The following SLTM variants were observed in gnomAD, a reference collection of about 807,000 sequenced individuals.
The protein encoded by SLTM is SAFB like transcription modulator.
In SLTM, 43 loss-of-function variants were observed where a neutral mutation model predicts 134.6. That is an observed-to-expected ratio of 0.32 (90% confidence interval 0.25 to 0.41). SLTM has a LOEUF of 0.41. SLTM is among the 10% of genes least tolerant of loss of function. The pLI, the probability that SLTM is intolerant of heterozygous loss-of-function variation, is 1.00. For synonymous variants in SLTM, 424 were observed against 432.3 expected (o/e 0.98, Z 0.24); for missense variants, 1,055 against 1,288.8 (o/e 0.82, Z 2.78).
At chr15:58,893,513 T>G in intron 12 of SLTM, 149 bp from the exon 13 acceptor site, 1 of 646,562 alleles carries the variant, frequency 1.5e-6, no homozygotes, top group South Asian at 2.2e-5. Flanking sequence ...TGCAAAGAGT[T>G]TTTTAAACAG....
intron 8 of SLTM, chr15:58,898,566 C>T (rs1490060802): frequency 1.2e-5 from 5 of 402,406 alleles, no homozygotes; most frequent in Non-Finnish European, 1.8e-5. Flanking sequence ...TAAGTGTTCC[C>T]TAGCTAATGG....
chr15:58,922,869 C>A (rs1209326511), intron 2 of SLTM, among the ~76,000 whole-genome samples: 1 of 151,718 alleles, frequency 6.6e-6, no homozygotes, highest in Non-Finnish European at 1.5e-5. Context: ...CGTGCTGCCA[C>A]CACATCCAGC....
rs1491391229 is a variant in SLTM, at chr15:58,886,214, GAA to G, written c.2835+759_2835+760del. ...CTACTTAAATGAAGCAGGAGAAAAAGAAGAGTGTGTGTGTGTGTGTGTGTGTG... is the reference window on the plus strand; with the variant it reads ...CTACTTAAATGAAGCAGGAGAAAAAGGAGTGTGTGTGTGTGTGTGTGTGTG... On this transcript the variant is annotated intron_variant, in intron 19 of 20. Coordinates refer to ENST00000380516, the MANE Select transcript of SLTM (RefSeq NM_024755.4). Among the ~76,000 whole-genome samples, 14 of 137,268 alleles carry G rather than the reference GAA, an allele frequency of 1.0e-4. No homozygotes were observed. In the East Asian group the frequency reaches 2.2e-3, roughly 22 times the overall value. 90.1% of individuals were successfully genotyped at this position (137,268 alleles called of 152,430 possible). A position where few individuals can be genotyped will look rare whatever the true frequency, so the allele number is the denominator to read the frequency against.
At chr15:58,907,845 C>A (rs1486460284) in intron 5 of SLTM, among the ~76,000 whole-genome samples, 1 of 151,938 alleles carries the variant, frequency 6.6e-6, no homozygotes, top group African/African-American at 2.4e-5. Context: ...AGAGAACCTG[C>A]CACAATCACA....
intron 16 of SLTM, chr15:58,888,810 C>T (rs2034429848): frequency 6.2e-6 from 2 of 320,494 alleles, no homozygotes; most frequent in Non-Finnish European, 5.7e-6. Context: ...ATGGAAAAGA[C>T]ATTTAGCATT....
intron 15 of SLTM, 51 bp downstream of exon 15, chr15:58,890,229 CA>C (rs2034549552): frequency 1.9e-6 from 3 of 1,595,236 alleles, no homozygotes; most frequent in Admixed American, 1.7e-5. Context: ...GCTAAAATCA[CA>C]GAGTCTGAAA....
rs1231962572 is a variant in SLTM at position 58,880,010 on chromosome 15, G to T, written c.3094C>A (p.Arg1032=). Residue 1032 remains arginine (R), a synonymous_variant, in exon 21 of 21, where the codon CGA becomes AGA. Coordinates refer to ENST00000380516, the MANE Select transcript of SLTM (RefSeq NM_024755.4). ...CAGAGAGCTCATTTTCAGAATCGTCGCGGAGGTCCACCCTTAAATGGCTTA... is the reference window on the plus strand; with the variant it reads ...CAGAGAGCTCATTTTCAGAATCGTCTCGGAGGTCCACCCTTAAATGGCTTA... The part of the protein sequence containing the change: ...GFKPFKGGPP[R]RF 6.2e-7 allele frequency: 1 copy of T among 1,613,588 alleles called. No individual in the cohort carries two copies. Among genetic ancestry groups the T allele is most frequent in the Non-Finnish European group, 8.5e-7 (1 of 1,179,750 alleles).
chr15:58,913,365 A>G (rs1595904689), intron 4 of SLTM, 134 bp downstream of exon 4: 1 of 652,884 alleles, frequency 1.5e-6, no homozygotes, highest in Non-Finnish European at 2.4e-6. Flanking sequence ...AGGATTTTAG[A>G]TGACTTATAA....
chr15:58,904,493 T>A (rs2035729423), intron 5 of SLTM, among the ~76,000 whole-genome samples: 1 of 151,230 alleles, frequency 6.6e-6, no homozygotes, highest in Non-Finnish European at 1.5e-5. Flanking sequence ...GATCAATTGA[T>A]AACAGTGTAA....
rs1303587330 is a variant in SLTM, at chr15:58,883,724, T to A, written c.2898A>T (p.Lys966Asn). The change falls in exon 20 of 21, where the codon AAA (lysine) becomes AAT (asparagine). Residue 966 changes from lysine (K) to asparagine (N), a missense_variant. Around this residue, in one of 3 missense-constraint regions of SLTM, gnomAD observed 776 missense variants for 962.2 expected, o/e 0.81. Transcript: ENST00000380516. The stretch of plus-strand genomic sequence containing the variant: ...CTTGAGAGGGTGGACCATGCCACTC[T>A]TTCCTTGGTCCGCTTGTGTCCCGTC... ...RHGRDTSGPR[K>N]EWHGPPSQGP... 6.2e-7 allele frequency: 1 copy of A among 1,614,176 alleles called. No homozygotes were observed. Among genetic ancestry groups the A allele is most frequent in the Admixed American group, 1.7e-5 (1 of 60,012 alleles).
chr15:58,922,453 TATATA>T (rs1595933066), intron 2 of SLTM, among the ~76,000 whole-genome samples: 1 of 145,188 alleles, frequency 6.9e-6, no homozygotes, highest in Admixed American at 7.0e-5. Context: ...TATATATATT[TATATA>T]ATATATAATA....
intron 1 of SLTM, 144 bp downstream of exon 1, chr15:58,933,260 G>A (rs1184612348): frequency 2.5e-6 from 2 of 815,786 alleles, no homozygotes; most frequent in Non-Finnish European, 3.4e-6. Context: ...CTCCACGCTC[G>A]CGGGAGCCGC....
intron 2 of SLTM, among the ~76,000 whole-genome samples, chr15:58,921,157 G>C (rs1391690391): frequency 6.6e-6 from 1 of 152,052 alleles, no homozygotes; most frequent in Non-Finnish European, 1.5e-5. Flanking sequence ...CCAGGTGCTA[G>C]GATAAATTCT....
intron 1 of SLTM, 39 bp from the exon 2 acceptor site, chr15:58,932,482 T>C (rs1489930389): frequency 7.1e-7 from 1 of 1,410,818 alleles, no homozygotes; most frequent in Non-Finnish European, 1.0e-6. Context: ...ACACAATCTA[T>C]CTAAACTTAT....
At chr15:58,926,524 T>C (rs2037480237) in intron 2 of SLTM, among the ~76,000 whole-genome samples, 1 of 152,140 alleles carries the variant, frequency 6.6e-6, no homozygotes, top group African/African-American at 2.4e-5. Context: ...TAAACATGTA[T>C]ATATATCATA....
At chr15:58,892,693 T>G in intron 14 of SLTM, among the ~76,000 whole-genome samples, 1 of 152,196 alleles carries the variant, frequency 6.6e-6, no homozygotes, top group East Asian at 1.9e-4. Flanking sequence ...TACAGAACTG[T>G]TGAGTTGGAG....
intron 5 of SLTM, among the ~76,000 whole-genome samples, chr15:58,906,005 T>C (rs1188130634): frequency 6.6e-6 from 1 of 152,096 alleles, no homozygotes; most frequent in Non-Finnish European, 1.5e-5. Flanking sequence ...ACAACTTGGG[T>C]AAAGTAGAAA....
At chr15:58,900,426 T>C (rs2035388687) in intron 6 of SLTM, 1 of 154,976 alleles carries the variant, frequency 6.5e-6, no homozygotes, top group Non-Finnish European at 1.4e-5. Context: ...AATGCTTGAG[T>C]AGTCCGGATT....
Position 58,883,679 on chromosome 15 carries a change from C to A in SLTM, c.2943G>T (p.Thr981=), listed in dbSNP as rs771267137. 1 of 1,614,100 alleles carries A rather than the reference C, an allele frequency of 6.2e-7. No homozygotes were observed. Among genetic ancestry groups the A allele is most frequent in the East Asian group, 2.2e-5 (1 of 44,874 alleles). Residue 981 remains threonine, a synonymous_variant, in exon 20 of 21, where the codon ACG becomes ACT. Coordinates refer to ENST00000380516, the MANE Select transcript of SLTM (RefSeq NM_024755.4). ...CTGCCCGGCCGTCACCCATTCGCCT[C>A]GTATCATGATAGCTAGGCCCTTGAG... The part of the protein sequence containing the change: ...PPSQGPSYHD[T]RRMGDGRAGA...
Sources: gnomAD v4.1 joint callset for allele counts (sites outside exome capture counted in the v4.1 genomes callset) on GRCh38, gnomAD v4.1.1 for gene constraint, gnomAD v4.1.1 regional missense constraint, MANE v1.5 for transcripts, NCBI Gene and HGNC (gene_info 2026-07-23, HGNC 2026-07-21) for gene names.